NUTF2: variants seen among roughly 807,000 people sequenced by gnomAD.
NUTF2 encodes the protein placental protein 15.
A neutral mutation model predicts 18.5 loss-of-function variants in NUTF2; 3 were observed. That is an observed-to-expected ratio of 0.16 (90% confidence interval 0.07 to 0.42). The LOEUF is 0.42. Ranked by LOEUF, NUTF2 falls within the 10% of genes least tolerant of loss-of-function variation. The pLI, the probability that NUTF2 is intolerant of heterozygous loss-of-function variation, is 0.99. For synonymous variants in NUTF2, 51 were observed against 57.9 expected (o/e 0.88, Z 0.54); for missense variants, 44 against 160.7 (o/e 0.27, Z 3.93).
chr16:67,853,280 C>T (rs1413538044), intron 1 of NUTF2, among the ~76,000 whole-genome samples: 1 of 152,166 alleles, frequency 6.6e-6, no homozygotes, highest in Non-Finnish European at 1.5e-5. Context: ...CAGCCTTGAC[C>T]TCCTGGGCTC....
At chr16:67,848,740 T>C (rs1440686722) in intron 1 of NUTF2, among the ~76,000 whole-genome samples, 1 of 145,878 alleles carries the variant, frequency 6.9e-6, no homozygotes, top group Admixed American at 7.0e-5. Context: ...AGACTCTGTC[T>C]CAAAAAAAAA....
At chr16:67,855,264 C>T (rs570545711) in intron 1 of NUTF2, among the ~76,000 whole-genome samples, 1 of 152,258 alleles carries the variant, frequency 6.6e-6, no homozygotes, top group South Asian at 2.1e-4. Flanking sequence ...GGAGTGTGCC[C>T]TCCTGGGCAG....
At chr16:67,851,258 G>A (rs1318931127) in intron 1 of NUTF2, among the ~76,000 whole-genome samples, 4 of 151,980 alleles carry the variant, frequency 2.6e-5, no homozygotes, top group African/African-American at 9.7e-5. Flanking sequence ...CGAGGTGGGC[G>A]GATCACGAGG....
chr16:67,855,886 G>GT, intron 1 of NUTF2: 1 of 424,354 alleles, frequency 2.4e-6, no homozygotes, highest in South Asian at 3.8e-5. Context: ...TTTTTTTTTG[G>GT]CGGGGGGGGG....
intron 1 of NUTF2, among the ~76,000 whole-genome samples, chr16:67,853,555 A>G (rs1250767238): frequency 1.3e-5 from 2 of 151,954 alleles, no homozygotes; most frequent in African/African-American, 4.8e-5. Context: ...ACAGGGTTTC[A>G]TCATATTGGC....
Position 67,871,693 on chromosome 16 carries a change from C to T in NUTF2, c.*780C>T, listed in dbSNP as rs1028932300. ...CTGGAGAGGCCTTGGCAAAATGGCT[C>T]ATCACGTTCAGGCCCTCCGGGCTGA... is the stretch of plus-strand genomic sequence containing the variant. On this transcript the variant is annotated 3_prime_UTR_variant, in exon 5 of 5. Transcript: ENST00000219169. 2.6e-5 allele frequency: 4 copies of T among 152,314 alleles called. No individual in the cohort carries two copies. Among genetic ancestry groups the T allele is most frequent in the African/African-American group, 9.6e-5 (4 of 41,464 alleles). 9.4% of individuals were successfully genotyped at this position (152,314 alleles called of 1,614,324 possible).
At chr16:67,852,810 G>T (rs1030201011) in intron 1 of NUTF2, among the ~76,000 whole-genome samples, 6 of 151,922 alleles carry the variant, frequency 3.9e-5, no homozygotes, top group African/African-American at 1.5e-4. Context: ...CTCCCTAGTA[G>T]CTGGGATTAC....
chr16:67,871,111 T>C lies in NUTF2; in HGVS notation c.*198T>C. 1 of 511,492 alleles carries C rather than the reference T, an allele frequency of 2.0e-6. No individual in the cohort carries two copies. Among genetic ancestry groups the C allele is most frequent in the Non-Finnish European group, 3.5e-6 (1 of 285,566 alleles). 31.7% of individuals were successfully genotyped at this position (511,492 alleles called of 1,614,324 possible). A position where few individuals can be genotyped will look rare whatever the true frequency, so the allele number is the denominator to read the frequency against. On this transcript the variant is annotated 3_prime_UTR_variant, in exon 5 of 5. Transcript: ENST00000219169. The stretch of plus-strand genomic sequence containing the variant: ...AGTTGCATCTGACGGGAGAAGTTTG[T>C]GTTGTACCAGCGCATGCCTTGGAAA...
chr16:67,870,748 T>C, intron 4 of NUTF2, 52 bp from the exon 5 acceptor site: 1 of 1,446,942 alleles, frequency 6.9e-7, no homozygotes, highest in East Asian at 2.3e-5. Context: ...ACCACTGAAT[T>C]CCCTTCCTGT....
At chr16:67,849,738 AAGC>A (rs2057838815) in intron 1 of NUTF2, among the ~76,000 whole-genome samples, 1 of 150,916 alleles carries the variant, frequency 6.6e-6, no homozygotes, top group African/African-American at 2.4e-5. Flanking sequence ...TGCTCATTGC[AAGC>A]TCCGCCTCCC....
chr16:67,857,055 C>T (rs2057902795), intron 1 of NUTF2, among the ~76,000 whole-genome samples: 3 of 152,194 alleles, frequency 2.0e-5, no homozygotes. Context: ...CTGCTCTTCT[C>T]AGTCTCAGCG....
chr16:67,856,027 G>A, intron 1 of NUTF2: 1 of 907,136 alleles, frequency 1.1e-6, no homozygotes, highest in South Asian at 1.4e-5. Flanking sequence ...GTACTGTCTT[G>A]CTCAGGGGCC....
At chr16:67,849,441 A>T (rs1422152923) in intron 1 of NUTF2, among the ~76,000 whole-genome samples, 2 of 151,520 alleles carry the variant, frequency 1.3e-5, no homozygotes, top group Admixed American at 1.3e-4. Context: ...TCCTGGGTTC[A>T]AACGATTCTC....
intron 2 of NUTF2, among the ~76,000 whole-genome samples, chr16:67,866,154 T>C (rs1168087381): frequency 6.6e-6 from 1 of 152,104 alleles, no homozygotes; most frequent in African/African-American, 2.4e-5. Flanking sequence ...CCAGGCACAG[T>C]CTCAGAGCCT....
chr16:67,854,819 G>C (rs2057883724), intron 1 of NUTF2, among the ~76,000 whole-genome samples: 2 of 152,106 alleles, frequency 1.3e-5, no homozygotes, highest in South Asian at 4.1e-4. Flanking sequence ...ATGGTGGCAG[G>C]TACCTGTAAT....
intron 1 of NUTF2, among the ~76,000 whole-genome samples, chr16:67,853,123 A>C (rs1054047639): frequency 1.3e-5 from 2 of 152,192 alleles, no homozygotes; most frequent in African/African-American, 4.8e-5. Context: ...AATAAATAGA[A>C]ACCAGCCAGG....
rs1567385594 is a variant in NUTF2 at position 67,868,485 on chromosome 16, A to C, written c.172-16A>C. On this transcript the variant is annotated splice_polypyrimidine_tract_variant and intron_variant, in intron 3 of 4. Coordinates refer to ENST00000219169, the MANE Select transcript of NUTF2 (RefSeq NM_005796.3). ...TCTGGCCTTGGTTCTCCCACCTCCC[A>C]CTCTCTCTCTTGTAGAGCCTTCCGT... 1 of 1,613,152 alleles carries C rather than the reference A, an allele frequency of 6.2e-7. No homozygotes were observed. The highest frequency in any genetic ancestry group is 2.2e-5 in the East Asian group (1 of 44,834).
At chr16:67,852,972 C>T (rs867968788) in intron 1 of NUTF2, among the ~76,000 whole-genome samples, 49 of 152,186 alleles carry the variant, frequency 3.2e-4, no homozygotes, top group Middle Eastern at 3.4e-3. Flanking sequence ...CATGAGCCAC[C>T]GCTCCCGGCC....
At chr16:67,866,046 A>G (rs1003901919) in intron 2 of NUTF2, among the ~76,000 whole-genome samples, 1 of 152,036 alleles carries the variant, frequency 6.6e-6, no homozygotes, top group Non-Finnish European at 1.5e-5. Context: ...ATGTTCATAT[A>G]CACCAAGAAC....
Sources: gnomAD v4.1 joint callset for allele counts (sites outside exome capture counted in the v4.1 genomes callset) on GRCh38, gnomAD v4.1.1 for gene constraint, MANE v1.5 for transcripts, NCBI Gene and HGNC (gene_info 2026-07-23, HGNC 2026-07-21) for gene names.